The following SOS1 variants were observed in gnomAD, a reference collection of about 807,000 sequenced individuals.
SOS1 encodes son of sevenless homolog 1.
Under a neutral mutation model 157.6 loss-of-function variants are expected in SOS1, and 25 were observed. That is an observed-to-expected ratio of 0.16 (90% CI 0.12 to 0.22). The LOEUF (loss-of-function observed/expected upper bound fraction) is 0.22, where lower values mean the gene tolerates loss of function less well. Among genes scored for constraint, SOS1 ranks in the 10% least tolerant of loss-of-function variants. The pLI, the probability that SOS1 is intolerant of heterozygous loss-of-function variation, is 1.00. For synonymous variants in SOS1, 528 were observed against 534.0 expected (o/e 0.99, Z 0.16); for missense variants, 1,237 against 1,599.1 (o/e 0.77, Z 3.86).
At chr2:39,124,557 C>G (rs767362228), upstream of SOS1, among the ~76,000 whole-genome samples, 9 of 152,270 alleles carry the variant, frequency 5.9e-5, no homozygotes, top group Non-Finnish European at 8.8e-5. Context: ...AAGTGCAACG[C>G]TCCGCGCCTT....
intron 1 of SOS1, among the ~76,000 whole-genome samples, chr2:39,079,640 A>C (rs1251630071): frequency 1.3e-5 from 2 of 151,710 alleles, no homozygotes; most frequent in East Asian, 3.9e-4. Context: ...GATTACAGGC[A>C]CGTGCCACCA....
chr2:39,112,512 AGGCT>A (rs1196990654), intron 1 of SOS1, among the ~76,000 whole-genome samples: 2 of 151,898 alleles, frequency 1.3e-5, no homozygotes, highest in African/African-American at 4.8e-5. Context: ...CATGTTGCCC[AGGCT>A]GGTCTTGAAC....
At chr2:39,034,434 T>C (rs888701244) in intron 8 of SOS1, among the ~76,000 whole-genome samples, 2 of 152,210 alleles carry the variant, frequency 1.3e-5, no homozygotes, top group Non-Finnish European at 2.9e-5. Context: ...TTTTCTTTGA[T>C]GAAACAAATA....
chr2:39,018,707 AAAGT>A (rs1163523240), intron 10 of SOS1, among the ~76,000 whole-genome samples: 1 of 151,804 alleles, frequency 6.6e-6, no homozygotes, highest in Non-Finnish European at 1.5e-5. Flanking sequence ...ATTACATAAA[AAAGT>A]TATTTATGTA....
At chr2:39,108,174 G>A (rs1223098398) in intron 1 of SOS1, among the ~76,000 whole-genome samples, 2 of 152,118 alleles carry the variant, frequency 1.3e-5, no homozygotes, top group South Asian at 4.2e-4. Context: ...TAATTAATTT[G>A]TCCACTTTTC....
upstream of SOS1, among the ~76,000 whole-genome samples, chr2:39,123,521 C>A (rs1013463832): frequency 5.3e-5 from 8 of 152,024 alleles, no homozygotes; most frequent in African/African-American, 1.7e-4. Context: ...CCAAGCCCGG[C>A]CAATTTTTGT....
intron 1 of SOS1, among the ~76,000 whole-genome samples, chr2:39,106,650 A>C (rs1673201681): frequency 6.8e-6 from 1 of 147,918 alleles, no homozygotes; most frequent in African/African-American, 2.7e-5. Context: ...ATAAAACCAA[A>C]TCTTTAAATT....
chr2:39,095,174 T>C (rs1477077644), intron 1 of SOS1, among the ~76,000 whole-genome samples: 1 of 152,192 alleles, frequency 6.6e-6, no homozygotes, highest in Non-Finnish European at 1.5e-5. Flanking sequence ...AGAAAGATTC[T>C]GGCATTGTTT....
At position 38,983,666 on chromosome 2, in the gene SOS1, C is replaced by A. The variant is rs1668465590; in HGVS notation, c.*2158G>T. ...GTTCTCATTTGGAATGTGCCTGGGG[C>A]AATTAAAAAGAGAAGTAATCCATGA... On this transcript the variant is annotated 3_prime_UTR_variant, in exon 23 of 23. Transcript: ENST00000402219. 6.6e-6 allele frequency: 1 copy of A among 151,982 alleles called. No homozygotes were observed. Among genetic ancestry groups the A allele is most frequent in the Non-Finnish European group, 1.5e-5 (1 of 67,984 alleles). The allele number at this position is 151,982 out of a possible 1,614,324, so 9.4% of individuals were successfully genotyped here.
intron 9 of SOS1, 22 bp from the exon 10 acceptor site, chr2:39,023,247 T>A: frequency 6.3e-7 from 1 of 1,580,222 alleles, no homozygotes. Context: ...AAAAAGACAT[T>A]ATTAGTACAT....
At chr2:38,996,350 A>T (rs1172090153) in intron 19 of SOS1, among the ~76,000 whole-genome samples, 2 of 152,164 alleles carry the variant, frequency 1.3e-5, no homozygotes, top group Non-Finnish European at 2.9e-5. Context: ...TCAGCTTCCC[A>T]AAGTGTTGGG....
chr2:38,989,415 C>A, intron 20 of SOS1, 101 bp from the exon 21 acceptor site: 2 of 767,486 alleles, frequency 2.6e-6, no homozygotes, highest in South Asian at 1.5e-5. Context: ...TTGTCATTGT[C>A]GTTTTAAAGA....
At position 39,010,598 on chromosome 2, in the gene SOS1, A is replaced by G. The variant is rs1255689423; in HGVS notation, c.2496T>C (p.Thr832=). The G allele has an allele frequency of 1.2e-6, 2 of 1,610,190 alleles. No homozygotes were observed. Among genetic ancestry groups the G allele is most frequent in the South Asian group, 2.2e-5 (2 of 90,994 alleles). Residue 832 remains threonine (T), a synonymous_variant, in exon 15 of 23, where the codon ACT becomes ACC. Coordinates refer to ENST00000402219, the MANE Select transcript of SOS1 (RefSeq NM_005633.4). ...GGAATACTTACTTCTCAAACCACAG[A>G]GTGAGGTTGGTGGTATGTCGAATCA... ...LKMIRHTTNL[T]LWFEKCIVET...
At chr2:39,009,357 C>T (rs1010985648) in intron 15 of SOS1, among the ~76,000 whole-genome samples, 1 of 152,098 alleles carries the variant, frequency 6.6e-6, no homozygotes, top group Non-Finnish European at 1.5e-5. Flanking sequence ...TTGTTGCTAG[C>T]CCACCCTCCA....
chr2:39,083,341 G>C (rs1022582725), intron 1 of SOS1, among the ~76,000 whole-genome samples: 6 of 152,154 alleles, frequency 3.9e-5, no homozygotes, highest in African/African-American at 1.4e-4. Context: ...TGAGGCAAAA[G>C]AATCAGGAAA....
In SOS1 at chr2:39,013,451, A is replaced by G. The variant is rs1572822329; in HGVS notation, c.2167+9T>C. 6.4e-7 allele frequency: 1 copy of G among 1,570,560 alleles called. No individual in the cohort carries two copies. Among genetic ancestry groups the G allele is most frequent in the South Asian group, 1.1e-5 (1 of 90,032 alleles). On this transcript the variant is annotated intron_variant, in intron 13 of 22. Coordinates refer to ENST00000402219, the MANE Select transcript of SOS1 (RefSeq NM_005633.4). ...ATATAAAACTAGGCACCTAAAAAAA[A>G]AAACATACCTCTTACTGTTCCAATA...
chr2:39,047,826 C>T (rs1277551385), intron 6 of SOS1, among the ~76,000 whole-genome samples: 1 of 22,128 alleles, frequency 4.5e-5, no homozygotes. Context: ...CACCACTATG[C>T]CCACCCTAAT....
In SOS1 at chr2:39,056,748, T is replaced by C. The variant is rs1188280924; in HGVS notation, c.464A>G (p.Tyr155Cys). The change falls in exon 4 of 23, where the codon TAT becomes TGT. Residue 155 changes from tyrosine to cysteine, a missense_variant. This residue lies in a region of SOS1 where 17 missense variants were observed against 52.7 expected (regional missense o/e 0.32). Transcript: ENST00000402219. ...TTTAATATCTTGTTTTGTAATTTCA[T>C]AATGCCGTATATTTCTTACATAATT... ...VGNYVRNIRH[Y>C]EITKQDIKVA... 1.9e-6 allele frequency: 3 copies of C among 1,604,384 alleles called. No homozygotes were observed. Among genetic ancestry groups the C allele is most frequent in the Non-Finnish European group, 1.7e-6 (2 of 1,171,404 alleles).
intron 17 of SOS1, among the ~76,000 whole-genome samples, chr2:38,998,240 T>TTTTTATA (rs558304093): frequency 2.6e-5 from 4 of 152,036 alleles, no homozygotes; most frequent in East Asian, 1.9e-4. Context: ...CTTATTTTTT[T>TTTTTATA]TTTTATATTT....
Sources: gnomAD v4.1 joint callset for allele counts (sites outside exome capture counted in the v4.1 genomes callset) on GRCh38, gnomAD v4.1.1 for gene constraint, gnomAD v4.1.1 regional missense constraint, MANE v1.5 for transcripts, NCBI Gene and HGNC (gene_info 2026-07-23, HGNC 2026-07-21) for gene names.